RPAP3: variants seen among roughly 807,000 people sequenced by gnomAD.
RPAP3 encodes RNA polymerase II associated protein 3.
A neutral mutation model predicts 88.8 loss-of-function variants in RPAP3; 58 were observed. The ratio of observed to expected loss-of-function variants is 0.65; its 90% confidence interval spans 0.53 to 0.81. The LOEUF is 0.81. Ranked by LOEUF, RPAP3 falls within the 40% of genes least tolerant of loss-of-function variation. The pLI is 0.00. For synonymous variants in RPAP3, 255 were observed against 259.9 expected (o/e 0.98, Z 0.18); for missense variants, 751 against 764.3 (o/e 0.98, Z 0.20).
At chr12:47,671,361 GAA>G (rs1413157923) in intron 12 of RPAP3, among the ~76,000 whole-genome samples, 1 of 152,108 alleles carries the variant, frequency 6.6e-6, no homozygotes, top group Non-Finnish European at 1.5e-5. Context: ...GAAAAGAGAA[GAA>G]AACTTTCCTC....
intron 8 of RPAP3, 38 bp downstream of exon 8, chr12:47,687,838 A>G (rs1939354189): frequency 6.3e-7 from 1 of 1,585,282 alleles, no homozygotes; most frequent in African/African-American, 1.4e-5. Flanking sequence ...ACACTCAGCA[A>G]AACATATACA....
chr12:47,673,018 C>A (rs1214382139), intron 12 of RPAP3, among the ~76,000 whole-genome samples: 4 of 152,070 alleles, frequency 2.6e-5, no homozygotes, highest in Admixed American at 6.5e-5. Context: ...AAAGTTTAAA[C>A]TACATTTAAT....
chr12:47,671,113 C>T (rs932486585), intron 12 of RPAP3, among the ~76,000 whole-genome samples: 2 of 152,102 alleles, frequency 1.3e-5, no homozygotes, highest in Non-Finnish European at 2.9e-5. Flanking sequence ...TCACTACACA[C>T]GTGTCATTTT....
In RPAP3 at chr12:47,687,857, T is replaced by C; in HGVS notation, c.864+19A>G. On this transcript the variant is annotated intron_variant, in intron 8 of 16. Transcript: ENST00000005386. ...TCAGCAAAACATATACATTGTACGT[T>C]GGAATAGCTTTGGATTACCCGATCT... The C allele has an allele frequency of 6.2e-7, 1 of 1,609,596 alleles. No homozygotes were observed. The highest frequency in any genetic ancestry group is 8.5e-7 in the Non-Finnish European group (1 of 1,177,970).
chr12:47,692,847 T>C (rs1440314316), intron 5 of RPAP3, among the ~76,000 whole-genome samples: 2 of 152,200 alleles, frequency 1.3e-5, no homozygotes, highest in Non-Finnish European at 2.9e-5. Flanking sequence ...TTCCTTTCAC[T>C]TGAATACTTA....
chr12:47,667,865 TAAAA>T lies in RPAP3; in HGVS notation c.1714-18_1714-15del. ...TGGTTCAATTTGCTTGAAAAAAAAA[TAAAA>T]AGACAATTACTTGATGGCAACACTT... On this transcript the variant is annotated splice_polypyrimidine_tract_variant and intron_variant, in intron 14 of 16. Transcript: ENST00000005386. 1 of 1,481,756 alleles carries T rather than the reference TAAAA, an allele frequency of 6.7e-7. No individual in the cohort carries two copies. Among genetic ancestry groups the T allele is most frequent in the South Asian group, 1.2e-5 (1 of 83,276 alleles). The allele number at this position is 1,481,756 out of a possible 1,614,324, so 91.8% of individuals were successfully genotyped here. A position where few individuals can be genotyped will look rare whatever the true frequency, so the allele number is the denominator to read the frequency against.
intron 9 of RPAP3, among the ~76,000 whole-genome samples, chr12:47,683,040 T>C (rs1184272452): frequency 2.0e-5 from 3 of 152,156 alleles, no homozygotes; most frequent in Non-Finnish European, 4.4e-5. Flanking sequence ...ACTCACCCTT[T>C]CCAGGTTGAG....
At position 47,667,840 on chromosome 12, in the gene RPAP3, T is replaced by C. The variant is rs373838028; in HGVS notation, c.1725A>G (p.Pro575=). The change falls in exon 15 of 17, where the codon CCA becomes CCG. Residue 575 remains proline (P), a synonymous_variant. Coordinates refer to ENST00000005386, the MANE Select transcript of RPAP3 (RefSeq NM_024604.3). ...TCTGAAACAACTTAGGATACAAAGATGGTTCAATTTGCTTGAAAAAAAAAT... is the reference window on the plus strand; with the variant it reads ...TCTGAAACAACTTAGGATACAAAGACGGTTCAATTTGCTTGAAAAAAAAAT... ...MLYQYLKQIE[P]SLYPKLFQKN... The C allele has an allele frequency of 3.8e-6, 6 of 1,594,728 alleles. No individual in the cohort carries two copies. The highest frequency in any genetic ancestry group is 5.1e-6 in the Non-Finnish European group (6 of 1,168,098).
intron 1 of RPAP3, among the ~76,000 whole-genome samples, chr12:47,705,699 C>T (rs1939778766): frequency 6.6e-6 from 1 of 152,160 alleles, no homozygotes; most frequent in Non-Finnish European, 1.5e-5. Context: ...ACTGCAAAAT[C>T]GCAGCAGGGT....
chr12:47,673,106 A>T (rs1467645864), intron 12 of RPAP3, among the ~76,000 whole-genome samples: 1 of 152,192 alleles, frequency 6.6e-6, no homozygotes, highest in East Asian at 1.9e-4. Context: ...AACTAGATTT[A>T]TGCCTAGCAC....
At chr12:47,669,437 T>C (rs1388951989) in intron 13 of RPAP3, among the ~76,000 whole-genome samples, 2 of 152,138 alleles carry the variant, frequency 1.3e-5, no homozygotes, top group East Asian at 3.9e-4. Context: ...TAAATGATCA[T>C]TTTCAAGATA....
chr12:47,682,533 T>C (rs1939242184), intron 9 of RPAP3, among the ~76,000 whole-genome samples: 1 of 152,210 alleles, frequency 6.6e-6, no homozygotes, highest in Admixed American at 6.5e-5. Context: ...AACGTCATAA[T>C]GTTTATGATT....
chr12:47,664,555 T>C (rs188439752), intron 16 of RPAP3: 1 of 152,152 alleles, frequency 6.6e-6, no homozygotes, highest in South Asian at 2.1e-4. Context: ...ATGGCAATAA[T>C]AAAATATAAC....
chr12:47,697,970 C>A (rs1244312543), intron 3 of RPAP3, among the ~76,000 whole-genome samples: 1 of 152,066 alleles, frequency 6.6e-6, no homozygotes, highest in African/African-American at 2.4e-5. Context: ...ACAGATTGTA[C>A]AAATCACCCC....
intron 9 of RPAP3, 129 bp from the exon 10 acceptor site, chr12:47,681,946 G>A: frequency 2.4e-6 from 2 of 844,474 alleles, no homozygotes; most frequent in Non-Finnish European, 3.4e-6. Flanking sequence ...TGTGTTTGAA[G>A]TGGAGAACTA....
At position 47,686,901 on chromosome 12, in the gene RPAP3, C is replaced by T; in HGVS notation, c.871G>A (p.Gly291Arg). 2 of 1,585,900 alleles carry T rather than the reference C, an allele frequency of 1.3e-6. No homozygotes were observed. Among genetic ancestry groups the T allele is most frequent in the Non-Finnish European group, 1.7e-6 (2 of 1,164,160 alleles). Residue 291 changes from glycine (G) to arginine (R), a missense_variant, in exon 9 of 17, where the codon GGA becomes AGA. Coordinates refer to ENST00000005386, the MANE Select transcript of RPAP3 (RefSeq NM_024604.3). ...QAISEKDRGNGFFKEGKYERA... is the reference protein window; with the variant it reads ...QAISEKDRGNRFFKEGKYERA... ...TCATATTTCCCCTCTTTGAAAAATCCATTCCCCTGTTATTTTGTAGAGAGA... is the reference window on the plus strand; with the variant it reads ...TCATATTTCCCCTCTTTGAAAAATCTATTCCCCTGTTATTTTGTAGAGAGA...
At chr12:47,668,870 T>TC (rs1350861821) in intron 14 of RPAP3, 46 bp downstream of exon 14, 2 of 1,449,518 alleles carry the variant, frequency 1.4e-6, no homozygotes, top group Admixed American at 1.7e-5. Flanking sequence ...ACAGAAGTTC[T>TC]CTGACCTTTT....
intron 4 of RPAP3, 33 bp downstream of exon 4, chr12:47,697,564 C>T: frequency 6.4e-7 from 1 of 1,570,594 alleles, no homozygotes; most frequent in Non-Finnish European, 8.6e-7. Context: ...CTCCTGCTTA[C>T]ATGAAAAAAA....
chr12:47,697,748 C>A (rs1400543574), intron 3 of RPAP3, 29 bp from the exon 4 acceptor site: 14 of 1,543,202 alleles, frequency 9.1e-6, no homozygotes, highest in African/African-American at 1.4e-5. Context: ...AAACAGGGGT[C>A]ATAATTATAT....
Sources: allele counts gnomAD v4.1 joint callset (sites outside exome capture counted in the v4.1 genomes callset), GRCh38; gene constraint gnomAD v4.1.1; transcripts MANE v1.5; gene names NCBI Gene and HGNC (gene_info 2026-07-23, HGNC 2026-07-21).